Variants in ITK observed in about 807,000 individuals in gnomAD.
ITK encodes the protein tyrosine-protein kinase ITK/TSK.
Under a neutral mutation model 87.6 loss-of-function variants are expected in ITK, and 45 were observed. The ratio of observed to expected loss-of-function variants is 0.51; its 90% CI spans 0.40 to 0.66. The LOEUF (loss-of-function observed/expected upper bound fraction) is 0.66. Ranked by LOEUF, ITK falls within the 30% of genes least tolerant of loss-of-function variation. The pLI is 0.00. For missense variants in ITK, 605 were observed against 766.3 expected (o/e 0.79, Z 2.48); for synonymous variants, 303 against 273.6 (o/e 1.11, Z -1.06).
At chr5:157,186,380 A>AAAG (rs1753643568) in intron 1 of ITK, among the ~76,000 whole-genome samples, 1 of 150,862 alleles carries the variant, frequency 6.6e-6, no homozygotes, top group African/African-American at 2.4e-5. Context: ...AAAAAAAAAA[A>AAAG]AGAGAGAGAG....
At position 157,211,354 on chromosome 5, in the gene ITK, T is replaced by A; in HGVS notation, c.311T>A (p.Leu104Gln). ...PDRESRQRWV[L>Q]ALKEETRNNN... ...CGTGAGAGCCGGCAGCGCTGGGTGC[T>A]GGCCCTTAAAGAAGGTAATTAAACT... The change falls in exon 3 of 17, where the codon CTG becomes CAG. Residue 104 changes from leucine (L) to glutamine (Q), a missense_variant. Leu to Gln is a moderately radical substitution (Grantham distance 113). Around this residue, in one of 3 missense-constraint regions of ITK, gnomAD observed 464 missense variants for 578.0 expected, o/e 0.80. Transcript: ENST00000422843. 6.2e-7 allele frequency: 1 copy of A among 1,613,792 alleles called. No homozygotes were observed. The highest frequency in any genetic ancestry group is 8.5e-7 in the Non-Finnish European group (1 of 1,179,658).
At chr5:157,203,161 T>G (rs566513486) in intron 1 of ITK, among the ~76,000 whole-genome samples, 2 of 152,324 alleles carry the variant, frequency 1.3e-5, no homozygotes, top group East Asian at 1.9e-4. Flanking sequence ...CTATTCTCTT[T>G]CCAGCACTTC....
At chr5:157,225,953 G>A (rs1754523503) in intron 6 of ITK, among the ~76,000 whole-genome samples, 1 of 152,162 alleles carries the variant, frequency 6.6e-6, no homozygotes, top group Admixed American at 6.5e-5. Context: ...CTGTGGAAAG[G>A]CTTAACTATG....
intron 16 of ITK, among the ~76,000 whole-genome samples, chr5:157,250,857 G>A (rs969009562): frequency 6.6e-6 from 1 of 152,020 alleles, no homozygotes; most frequent in Non-Finnish European, 1.5e-5. Context: ...TTTTTGGCTT[G>A]ATAGCTCATT....
At position 157,253,419 on chromosome 5, in the gene ITK, A is replaced by G. The variant is rs1755184291; in HGVS notation, c.*741A>G. 1 of 225,922 alleles carries G rather than the reference A, an allele frequency of 4.4e-6. No individual in the cohort carries two copies. Among genetic ancestry groups the G allele is most frequent in the Non-Finnish European group, 8.8e-6 (1 of 113,636 alleles). The allele number at this position is 225,922 out of a possible 1,614,324, so 14.0% of individuals were successfully genotyped here. A position where few individuals can be genotyped will look rare whatever the true frequency, so the allele number is the denominator to read the frequency against. On this transcript the variant is annotated 3_prime_UTR_variant, in exon 17 of 17. Coordinates refer to ENST00000422843, the MANE Select transcript of ITK (RefSeq NM_005546.4). ...TTGGGTATCTGATGTCTGCACCAGA[A>G]CAAGAGAACCTCTGACGGTGGAGAA...
intron 6 of ITK, among the ~76,000 whole-genome samples, chr5:157,227,816 CA>C (rs1410592426): frequency 6.9e-6 from 1 of 145,854 alleles, no homozygotes; most frequent in African/African-American, 2.6e-5. Context: ...TATTTTTTAC[CA>C]ATTCCTTTTT....
chr5:157,242,317 G>C (rs1754925578), intron 11 of ITK, among the ~76,000 whole-genome samples: 1 of 152,176 alleles, frequency 6.6e-6, no homozygotes, highest in Admixed American at 6.5e-5. Flanking sequence ...ACTGTGTGCT[G>C]CCTGTGGAGA....
chr5:157,229,993 CA>C (rs535952916), intron 7 of ITK, among the ~76,000 whole-genome samples: 11 of 152,074 alleles, frequency 7.2e-5, no homozygotes, highest in Admixed American at 4.6e-4. Flanking sequence ...TTGACCCATA[CA>C]AAAAAATATT....
chr5:157,211,641 A>G, intron 3 of ITK: 1 of 457,902 alleles, frequency 2.2e-6, no homozygotes, highest in African/African-American at 2.0e-5. Flanking sequence ...GTACCTACAT[A>G]AGATGCTTGA....
At chr5:157,215,320 T>G (rs897695554) in intron 4 of ITK, among the ~76,000 whole-genome samples, 1 of 152,180 alleles carries the variant, frequency 6.6e-6, no homozygotes, top group Admixed American at 6.5e-5. Context: ...ATACTGAAAA[T>G]TGGCAACCCA....
At chr5:157,207,130 A>G (rs1656965222) in intron 1 of ITK, among the ~76,000 whole-genome samples, 1 of 152,150 alleles carries the variant, frequency 6.6e-6, no homozygotes, top group Admixed American at 6.5e-5. Context: ...TATGATAGAC[A>G]ACCTAAGTCT....
intron 8 of ITK, among the ~76,000 whole-genome samples, chr5:157,237,734 G>C (rs918462107): frequency 8.5e-5 from 13 of 152,188 alleles, no homozygotes; most frequent in Non-Finnish European, 1.8e-4. Flanking sequence ...TCGTGGGAAT[G>C]CCACTTAAGC....
intron 1 of ITK, among the ~76,000 whole-genome samples, chr5:157,186,042 T>G (rs1753636173): frequency 6.6e-6 from 1 of 152,140 alleles, no homozygotes; most frequent in Non-Finnish European, 1.5e-5. Context: ...TTACCCCAAT[T>G]TGTAGGTCAA....
intron 8 of ITK, among the ~76,000 whole-genome samples, chr5:157,234,323 C>G (rs550921362): frequency 7.9e-5 from 12 of 152,184 alleles, no homozygotes; most frequent in African/African-American, 2.9e-4. Flanking sequence ...ATTCTCTTCT[C>G]CTCCTTAGGT....
At chr5:157,238,952 T>A (rs1310772449) in intron 9 of ITK, among the ~76,000 whole-genome samples, 2 of 152,100 alleles carry the variant, frequency 1.3e-5, no homozygotes, top group African/African-American at 4.8e-5. Context: ...TTCGGAAAAT[T>A]TTTTTGGAAG....
At chr5:157,181,865 A>T (rs1753536558) in intron 1 of ITK, among the ~76,000 whole-genome samples, 1 of 152,218 alleles carries the variant, frequency 6.6e-6, no homozygotes, top group South Asian at 2.1e-4. Context: ...AACATCACTA[A>T]TAACAAAAGC....
At chr5:157,181,469 A>G (rs553881090) in intron 1 of ITK, among the ~76,000 whole-genome samples, 6 of 152,342 alleles carry the variant, frequency 3.9e-5, no homozygotes, top group African/African-American at 1.4e-4. Context: ...TTAATGAAAC[A>G]TACTAAATTT....
chr5:157,233,022 C>T (rs1300300769), intron 8 of ITK, among the ~76,000 whole-genome samples: 3 of 152,088 alleles, frequency 2.0e-5, no homozygotes, highest in Non-Finnish European at 4.4e-5. Context: ...ATAGCAGGAC[C>T]GATTTTACTC....
chr5:157,235,775 A>G (rs1034132267), intron 8 of ITK, among the ~76,000 whole-genome samples: 2 of 152,208 alleles, frequency 1.3e-5, no homozygotes, highest in Non-Finnish European at 2.9e-5. Context: ...GTTCACAATA[A>G]CTTACCCTGT....
Sources: allele counts gnomAD v4.1 joint callset (sites outside exome capture counted in the v4.1 genomes callset), GRCh38; gene constraint gnomAD v4.1.1; regional missense constraint gnomAD v4.1.1; transcripts MANE v1.5; gene names NCBI Gene and HGNC (gene_info 2026-07-23, HGNC 2026-07-21).